Variants in APAF1 observed in about 807,000 individuals in gnomAD.
APAF1 encodes the protein apoptotic protease-activating factor 1.
A neutral mutation model predicts 152.4 loss-of-function variants in APAF1; 91 were observed. That is an observed-to-expected ratio of 0.60 (90% CI 0.50 to 0.71). The LOEUF (loss-of-function observed/expected upper bound fraction) is 0.71. Among genes scored for constraint, APAF1 ranks in the 30% least tolerant of loss-of-function variants. The probability of loss-of-function intolerance (pLI) is 0.00; values close to 1 mark genes in which losing one functional copy is unlikely to be tolerated. For synonymous variants in APAF1, 484 were observed against 494.1 expected, an observed-to-expected ratio of 0.98 and a Z score of 0.27; for missense variants, 1,283 against 1,472.0, an observed-to-expected ratio of 0.87 and a Z score of 2.10.
chr12:98,712,599 C>G, intron 21 of APAF1, 164 bp downstream of exon 21: 1 of 602,098 alleles, frequency 1.7e-6, no homozygotes, highest in Non-Finnish European at 3.0e-6. Flanking sequence ...CGACTGCAGC[C>G]TTGACCTTCT....
intron 14 of APAF1, among the ~76,000 whole-genome samples, chr12:98,681,340 G>A (rs2097692022): frequency 6.6e-6 from 1 of 152,118 alleles, no homozygotes; most frequent in Non-Finnish European, 1.5e-5. Context: ...GAGATTATAG[G>A]CATGAGCCAC....
chr12:98,658,966 C>T (rs1336948270), intron 4 of APAF1, among the ~76,000 whole-genome samples, 194 bp from the exon 5 acceptor site: 4 of 152,214 alleles, frequency 2.6e-5, no homozygotes, highest in Non-Finnish European at 5.9e-5. Context: ...AGTTTCTTCA[C>T]ATCTTCAACT....
rs185961833 is a variant in APAF1, at chr12:98,718,249, T to G, written c.3084+2697T>G. On this transcript the variant is annotated intron_variant, in intron 22 of 26. Transcript: ENST00000551964. ...TTTTCTTTTTCTTTCTTTTTTTTCT[T>G]TTTGAGACAGTCTTGCTCTATTGCC... 3.9e-5 allele frequency among the ~76,000 whole-genome samples: 6 copies of G among 152,278 alleles called. No homozygotes were observed. In the East Asian group the frequency reaches 1.2e-3, roughly 29 times the overall value.
intron 16 of APAF1, among the ~76,000 whole-genome samples, chr12:98,696,928 G>T (rs2097710604): frequency 6.6e-6 from 1 of 152,162 alleles, no homozygotes; most frequent in Admixed American, 6.5e-5. Flanking sequence ...GAACTGTTCA[G>T]AATAAAGTTG....
rs761076388 is a variant in APAF1, at chr12:98,699,586, G to T, written c.2466+17G>T. 6.2e-7 allele frequency: 1 copy of T among 1,613,600 alleles called. No homozygotes were observed. The highest frequency in any genetic ancestry group is 1.7e-5 in the Admixed American group (1 of 60,010). On this transcript the variant is annotated intron_variant, in intron 17 of 26. Coordinates refer to ENST00000551964, the MANE Select transcript of APAF1 (RefSeq NM_181861.2). ...AAAATCTTTGTAAGTACTTTAAAAA[G>T]CCAACTTCAGTCTGATTTAAAGAAA... is the stretch of plus-strand genomic sequence containing the variant.
At chr12:98,680,438 A>C in intron 14 of APAF1, 36 bp downstream of exon 14, 2 of 1,604,950 alleles carry the variant, frequency 1.2e-6, no homozygotes, top group Non-Finnish European at 1.7e-6. Flanking sequence ...TGTAATCACA[A>C]CAGAATTCAT....
At chr12:98,702,088 T>G (rs2097716028) in intron 17 of APAF1, among the ~76,000 whole-genome samples, 1 of 152,024 alleles carries the variant, frequency 6.6e-6, no homozygotes, top group South Asian at 2.1e-4. Flanking sequence ...TTTTTTGAGA[T>G]GGAGTCTCGC....
chr12:98,678,961 T>G (rs2097689459), intron 13 of APAF1, among the ~76,000 whole-genome samples: 1 of 152,186 alleles, frequency 6.6e-6, no homozygotes. Flanking sequence ...GTGCCATTCA[T>G]GGCAGCAGGA....
chr12:98,721,886 T>C (rs76871446), intron 22 of APAF1, among the ~76,000 whole-genome samples: 3,894 of 152,316 alleles, frequency 0.026, 174 homozygotes, highest in African/African-American at 0.089. Flanking sequence ...CTGTTTAGCA[T>C]TGGCCAATAA....
At chr12:98,694,187 G>T (rs2097707373) in intron 16 of APAF1, among the ~76,000 whole-genome samples, 2 of 152,120 alleles carry the variant, frequency 1.3e-5, no homozygotes, top group Admixed American at 6.6e-5. Context: ...GAAAACCTAG[G>T]AAATACCCTT....
chr12:98,710,583 A>G (rs1318102120), intron 20 of APAF1, among the ~76,000 whole-genome samples: 1 of 152,176 alleles, frequency 6.6e-6, no homozygotes, highest in Non-Finnish European at 1.5e-5. Flanking sequence ...ATGAGTTGTC[A>G]TTCAAAAAAT....
intron 16 of APAF1, among the ~76,000 whole-genome samples, chr12:98,696,466 A>G (rs1593079804): frequency 1.3e-5 from 2 of 152,162 alleles, no homozygotes; most frequent in South Asian, 2.1e-4. Context: ...GACACCTCCT[A>G]TCAAGCCCTA....
At chr12:98,656,790 T>C (rs977321341) in intron 4 of APAF1, among the ~76,000 whole-genome samples, 1 of 152,224 alleles carries the variant, frequency 6.6e-6, no homozygotes, top group African/African-American at 2.4e-5. Flanking sequence ...CTACATACTT[T>C]AGCACCAGGA....
chr12:98,670,058 C>T (rs918475122), intron 10 of APAF1, among the ~76,000 whole-genome samples: 19 of 152,132 alleles, frequency 1.2e-4, no homozygotes, highest in Admixed American at 5.9e-4. Context: ...GATCCTTCCA[C>T]CTCAGCCTCC....
intron 4 of APAF1, among the ~76,000 whole-genome samples, chr12:98,651,356 T>C (rs1403692471): frequency 6.6e-6 from 1 of 152,260 alleles, no homozygotes; most frequent in Non-Finnish European, 1.5e-5. Flanking sequence ...AAGTGTGTAC[T>C]CTTGTAAAAT....
chr12:98,715,863 CTCTTTATTTT>C (rs2097734170), intron 22 of APAF1, among the ~76,000 whole-genome samples: 2 of 152,068 alleles, frequency 1.3e-5, no homozygotes, highest in South Asian at 4.1e-4. Flanking sequence ...TATGTAATTT[CTCTTTATTTT>C]TCTTTACAGT....
At chr12:98,687,809 CTTTTGT>C (rs1328820664) in intron 16 of APAF1, among the ~76,000 whole-genome samples, 1 of 151,950 alleles carries the variant, frequency 6.6e-6, no homozygotes, top group Non-Finnish European at 1.5e-5. Flanking sequence ...AAGGATCTGG[CTTTTGT>C]TTTTGTTTTT....
At chr12:98,679,824 A>G (rs892533526) in intron 13 of APAF1, among the ~76,000 whole-genome samples, 1 of 152,268 alleles carries the variant, frequency 6.6e-6, no homozygotes, top group Non-Finnish European at 1.5e-5. Context: ...TGCAGCAGTC[A>G]GCACGTCTGT....
chr12:98,707,119 C>T (rs2097722205), intron 19 of APAF1, among the ~76,000 whole-genome samples: 1 of 152,110 alleles, frequency 6.6e-6, no homozygotes, highest in South Asian at 2.1e-4. Context: ...ACAATGCAGT[C>T]ATGTCATTTT....
Sources: gnomAD v4.1 joint callset for allele counts (sites outside exome capture counted in the v4.1 genomes callset) on GRCh38, gnomAD v4.1.1 for gene constraint, MANE v1.5 for transcripts, NCBI Gene and HGNC (gene_info 2026-07-23, HGNC 2026-07-21) for gene names.